ZNF521: variants seen among roughly 807,000 people sequenced by gnomAD.
ZNF521 encodes zinc finger protein 521.
In ZNF521, 14 loss-of-function variants were observed where a neutral mutation model predicts 105.5. The ratio of observed to expected loss-of-function variants is 0.13; its 90% CI spans 0.09 to 0.21. ZNF521 has a LOEUF of 0.21. Among genes scored for constraint, ZNF521 ranks in the 10% least tolerant of loss-of-function variants. The pLI, the probability that ZNF521 is intolerant of heterozygous loss-of-function variation, is 1.00. For missense variants in ZNF521, 1,233 were observed against 1,629.7 expected (o/e 0.76, Z 4.19); for synonymous variants, 635 against 606.0 (o/e 1.05, Z -0.70).
At chr18:25,282,606 C>CCA (rs1462413827) in intron 3 of ZNF521, among the ~76,000 whole-genome samples, 4 of 151,968 alleles carry the variant, frequency 2.6e-5, no homozygotes, top group Admixed American at 2.0e-4. Flanking sequence ...TGTGGATGTG[C>CCA]CAAAAACAAT....
chr18:25,104,569 C>T (rs2034033425), intron 5 of ZNF521, among the ~76,000 whole-genome samples: 2 of 152,176 alleles, frequency 1.3e-5, no homozygotes, highest in South Asian at 2.1e-4. Flanking sequence ...TGGCCTCTTG[C>T]CCTTTTCTTT....
At chr18:25,121,143 G>A (rs532965947) in intron 5 of ZNF521, among the ~76,000 whole-genome samples, 6 of 119,576 alleles carry the variant, frequency 5.0e-5, no homozygotes, top group East Asian at 2.4e-4. Flanking sequence ...ACAGAGTCTC[G>A]CTCTGTCTCC....
At chr18:25,120,949 G>A (rs1175890662) in intron 5 of ZNF521, among the ~76,000 whole-genome samples, 1 of 151,998 alleles carries the variant, frequency 6.6e-6, no homozygotes, top group Admixed American at 6.6e-5. Flanking sequence ...TAAGAAACCT[G>A]GTTCAGGTCA....
chr18:25,339,151 G>A (rs1914059908), intron 2 of ZNF521, among the ~76,000 whole-genome samples: 1 of 152,134 alleles, frequency 6.6e-6, no homozygotes. Flanking sequence ...GAACACTATT[G>A]TTGTAAAACT....
chr18:25,128,279 A>C (rs2034573950), intron 5 of ZNF521, among the ~76,000 whole-genome samples: 1 of 151,962 alleles, frequency 6.6e-6, no homozygotes, highest in African/African-American at 2.4e-5. Flanking sequence ...ATTCATGATA[A>C]AAACTCTGAC....
intron 2 of ZNF521, among the ~76,000 whole-genome samples, chr18:25,349,903 C>G (rs1914646650): frequency 6.6e-6 from 1 of 151,196 alleles, no homozygotes; most frequent in East Asian, 1.9e-4. Context: ...TGCCCGCGCG[C>G]CCCTCCTCCG....
intron 5 of ZNF521, among the ~76,000 whole-genome samples, chr18:25,117,282 G>A (rs182704303): frequency 5.9e-5 from 9 of 151,968 alleles, no homozygotes; most frequent in Admixed American, 5.9e-4. Context: ...CGGTCCAAAT[G>A]ATGGTTTGCA....
At position 25,113,761 on chromosome 18, in the gene ZNF521, G is replaced by GACGGACACACACAC. The variant is rs35914509; in HGVS notation, c.3659-21681_3659-21680insGTGTGTGTGTCCGT. ...AGGCAGGCAGACCGAAGGACGGACG[G>GACGGACACACACAC]ACACACACACACACACACACACACA... On this transcript the variant is annotated intron_variant, in intron 5 of 7. Transcript: ENST00000361524. 1.9e-3 allele frequency among the ~76,000 whole-genome samples: 193 copies of GACGGACACACACAC among 101,718 alleles called. 5 individuals are homozygous for GACGGACACACACAC. The highest frequency in any genetic ancestry group is 4.2e-3 in the African/African-American group (114 of 26,848). The allele number at this position is 101,718 out of a possible 152,430, so 66.7% of individuals were successfully genotyped here.
chr18:25,141,054 C>T (rs2034837910), intron 5 of ZNF521, among the ~76,000 whole-genome samples: 1 of 152,136 alleles, frequency 6.6e-6, no homozygotes, highest in East Asian at 1.9e-4. Flanking sequence ...TCTTGCCTCA[C>T]CTGATTCCTC....
chr18:25,118,454 T>C (rs1736738775), intron 5 of ZNF521, among the ~76,000 whole-genome samples: 1 of 152,032 alleles, frequency 6.6e-6, no homozygotes. Context: ...TATAGCATTA[T>C]CTTATGGGGT....
At chr18:25,265,527 C>G (rs899449959) in intron 3 of ZNF521, among the ~76,000 whole-genome samples, 7 of 152,156 alleles carry the variant, frequency 4.6e-5, no homozygotes, top group Admixed American at 6.5e-5. Context: ...AAGGAGCGCT[C>G]TACATATCCA....
chr18:25,217,385 A>G lies in ZNF521; in HGVS notation c.3573+6960T>C, dbSNP rs532877922. Among the ~76,000 whole-genome samples the G allele has an allele frequency of 7.2e-5, 11 of 152,336 alleles. No homozygotes were observed. The South Asian group carries it at 2.3e-3, about 32-fold the overall frequency. The stretch of plus-strand genomic sequence containing the variant: ...TGGAATCAACAGCATTCATTGATGG[A>G]TTAAACATGGAGAATGAGAGAAAAG... On this transcript the variant is annotated intron_variant, in intron 4 of 7. Coordinates refer to ENST00000361524, the MANE Select transcript of ZNF521 (RefSeq NM_015461.3).
chr18:25,252,188 T>C (rs934353446), intron 3 of ZNF521, among the ~76,000 whole-genome samples: 1 of 152,114 alleles, frequency 6.6e-6, no homozygotes, highest in Non-Finnish European at 1.5e-5. Flanking sequence ...TAAGGGCGGT[T>C]CTATAAATAA....
chr18:25,114,862 T>C (rs1326918718), intron 5 of ZNF521, among the ~76,000 whole-genome samples: 2 of 152,234 alleles, frequency 1.3e-5, no homozygotes, highest in African/African-American at 4.8e-5. Flanking sequence ...GCCTCAAGGA[T>C]GTCACAGAAG....
intron 5 of ZNF521, among the ~76,000 whole-genome samples, chr18:25,110,348 C>G (rs983385800): frequency 2.6e-5 from 4 of 152,102 alleles, no homozygotes; most frequent in Non-Finnish European, 4.4e-5. Context: ...TGCCTGCCCC[C>G]TTGCATCCTG....
At chr18:25,072,486 CTT>C (rs546750898) in intron 7 of ZNF521, among the ~76,000 whole-genome samples, 3 of 152,292 alleles carry the variant, frequency 2.0e-5, no homozygotes, top group African/African-American at 7.2e-5. Context: ...AAATTTCCCT[CTT>C]TGCAACTGAC....
intron 5 of ZNF521, among the ~76,000 whole-genome samples, chr18:25,186,520 T>C (rs2035724413): frequency 6.6e-6 from 1 of 152,198 alleles, no homozygotes; most frequent in Non-Finnish European, 1.5e-5. Flanking sequence ...CTTTACAGCA[T>C]GTTGTCAGGT....
chr18:25,194,458 TAAG>T (rs1276197221), intron 5 of ZNF521, among the ~76,000 whole-genome samples: 40 of 151,694 alleles, frequency 2.6e-4, no homozygotes, highest in Admixed American at 2.6e-3. Context: ...CATGAGGAAT[TAAG>T]AAATAATGGG....
intron 7 of ZNF521, among the ~76,000 whole-genome samples, chr18:25,067,526 C>T (rs2033101348): frequency 6.6e-6 from 1 of 152,140 alleles, no homozygotes; most frequent in African/African-American, 2.4e-5. Context: ...GAGCTGACCA[C>T]ATTTGCTGGT....
Sources: gnomAD v4.1 joint callset for allele counts (sites outside exome capture counted in the v4.1 genomes callset) on GRCh38, gnomAD v4.1.1 for gene constraint, MANE v1.5 for transcripts, NCBI Gene and HGNC (gene_info 2026-07-23, HGNC 2026-07-21) for gene names.